Variants in RHCE observed in about 807,000 individuals in gnomAD.
RHCE encodes blood group Rh(CE) polypeptide.
In RHCE, 22 loss-of-function variants were observed where a neutral mutation model predicts 43.8. The observed-to-expected ratio is 0.50, with a 90% CI of 0.36 to 0.72. The LOEUF is 0.72. Ranked by LOEUF, RHCE falls within the 30% of genes least tolerant of loss-of-function variation. The probability of loss-of-function intolerance (pLI) is 0.00; values close to 1 mark genes in which losing one functional copy is unlikely to be tolerated. For missense variants in RHCE, 385 were observed against 525.4 expected, an observed-to-expected ratio of 0.73 and a Z score of 2.61; for synonymous variants, 156 against 210.7, an observed-to-expected ratio of 0.74 and a Z score of 2.25.
chr1:25,390,040 C>A (rs892232978), intron 5 of RHCE, among the ~76,000 whole-genome samples: 2 of 152,080 alleles, frequency 1.3e-5, no homozygotes, highest in South Asian at 2.1e-4. Flanking sequence ...TCCAGCCCCC[C>A]CAGTGCCTCC....
chr1:25,362,429 T>A lies in RHCE; in HGVS notation c.*98A>T, dbSNP rs750839385. 1.9e-6 allele frequency: 3 copies of A among 1,613,652 alleles called. No individual in the cohort carries two copies. The African/African-American group carries it at 4.0e-5, about 22-fold the overall frequency. Reference sequence around the variant, plus strand: ...CTTGTTTCATTATACATAAGGAGACTTTGCTGTCATGAGCGTTTCTCACGT... The same window carrying A: ...CTTGTTTCATTATACATAAGGAGACATTGCTGTCATGAGCGTTTCTCACGT... On this transcript the variant is annotated 3_prime_UTR_variant, in exon 10 of 10. Transcript: ENST00000294413.
chr1:25,425,919 C>T lies in RHCE; in HGVS notation c.-40+3034G>A, dbSNP rs567028050. ...TTGGCTAAAGTGCAGCTAAGTCAGT[C>T]GTTCATTGATTTAACACACATGAGC... On this transcript the variant is annotated intron_variant, in intron 2 of 11. Transcript: ENST00000349320. Among the ~76,000 whole-genome samples, 168 of 152,318 alleles carry T rather than the reference C, an allele frequency of 1.1e-3. 1 individual carries two copies. The highest frequency in any genetic ancestry group is 3.5e-3 in the African/African-American group (146 of 41,578).
chr1:25,420,641 T>A lies in RHCE; in HGVS notation c.146A>T (p.Gln49Leu), dbSNP rs371516112. 1 of 1,613,772 alleles carries A rather than the reference T, an allele frequency of 6.2e-7. No homozygotes were observed. Among genetic ancestry groups the A allele is most frequent in the East Asian group, 2.2e-5 (1 of 44,884 alleles). The change falls in exon 1 of 10, where the codon CAA (glutamine) becomes CTA (leucine). Residue 49 changes from glutamine to leucine, a missense_variant and splice_region_variant. Physicochemically the swap from Gln to Leu is moderately radical, Grantham distance 113. This residue lies in a region of RHCE where 110 missense variants were observed against 192.1 expected (regional missense o/e 0.57). Coordinates refer to ENST00000294413, the MANE Select transcript of RHCE (RefSeq NM_020485.8). ...EDQKGLVASY[Q>L]VGQDLTVMAA... is the part of the protein sequence containing the mutation. ...CCACTGTTCCAATGAACTCTCACCT[T>A]GATAGGATGCCACGAGCCCCTTTTG...
chr1:25,403,664 A>G lies in RHCE; in HGVS notation c.336-918T>C, dbSNP rs572312674. 9.3e-3 allele frequency among the ~76,000 whole-genome samples: 1,416 copies of G among 151,846 alleles called. 18 individuals carry two copies. The highest frequency in any genetic ancestry group is 0.031 in the African/African-American group (1,299 of 41,382). ...GGAAGGAGAGGGTGATGCTGACTGG[A>G]CTTATCAGGGAGGACTTCCTGGAGG... is the stretch of plus-strand genomic sequence containing the variant. On this transcript the variant is annotated intron_variant, in intron 2 of 9. Coordinates refer to ENST00000294413, the MANE Select transcript of RHCE (RefSeq NM_020485.8).
At chr1:25,402,202 G>A (rs57874627) in intron 3 of RHCE, among the ~76,000 whole-genome samples, 7,610 of 117,424 alleles carry the variant, frequency 0.065, 547 homozygotes, top group African/African-American at 0.24. Flanking sequence ...CTGTCTGTCT[G>A]TCTGTCTATC....
In RHCE at chr1:25,388,941, C is replaced by T. The variant is rs375390889; in HGVS notation, c.939+35G>A. 321 of 1,614,244 alleles carry T rather than the reference C, an allele frequency of 2.0e-4. No homozygotes were observed. The African/African-American group carries it at 3.7e-3, about 19-fold the overall frequency. Reference sequence around the variant, plus strand: ...GTCCCAGCGTCCTGCTGGCCTTCAGCCAAAGCAGAGAGCATTAGTTGTCTA... The same window carrying T: ...GTCCCAGCGTCCTGCTGGCCTTCAGTCAAAGCAGAGAGCATTAGTTGTCTA... On this transcript the variant is annotated intron_variant, in intron 6 of 9. Transcript: ENST00000294413.
At chr1:25,417,936 G>A (rs1324271285) in intron 1 of RHCE, among the ~76,000 whole-genome samples, 1 of 152,100 alleles carries the variant, frequency 6.6e-6, no homozygotes, top group African/African-American at 2.4e-5. Context: ...AACTTGTCGC[G>A]CTCCTGTTTA....
chr1:25,401,849 T>C (rs1646753303), intron 3 of RHCE, among the ~76,000 whole-genome samples: 1 of 152,070 alleles, frequency 6.6e-6, no homozygotes, highest in Non-Finnish European at 1.5e-5. Context: ...TGGGTATCTA[T>C]CTATCTATCA....
At chr1:25,371,467 C>G (rs1645609514) in intron 8 of RHCE, among the ~76,000 whole-genome samples, 1 of 151,406 alleles carries the variant, frequency 6.6e-6, no homozygotes, top group East Asian at 1.9e-4. Flanking sequence ...AACTCCCAGG[C>G]ACAAGCAACC....
intron 1 of RHCE, among the ~76,000 whole-genome samples, chr1:25,412,807 T>C (rs185825897): frequency 6.6e-6 from 1 of 150,536 alleles, no homozygotes; most frequent in African/African-American, 2.4e-5. Context: ...GGCAGATCAC[T>C]TGAAGTCAGG....
At chr1:25,402,206 G>GTCTATCTA (rs56985100) in intron 3 of RHCE, among the ~76,000 whole-genome samples, 9,301 of 130,380 alleles carry the variant, frequency 0.071, 379 homozygotes, top group East Asian at 0.14. Context: ...CTGTCTGTCT[G>GTCTATCTA]TCTATCTATC....
chr1:25,420,487 T>G, intron 1 of RHCE, 152 bp downstream of exon 1: 1 of 1,479,958 alleles, frequency 6.8e-7, no homozygotes, highest in Non-Finnish European at 9.3e-7. Flanking sequence ...CATTGTTGAC[T>G]GAATTTCGGT....
intron 7 of RHCE, among the ~76,000 whole-genome samples, chr1:25,379,491 ATATATTTTTTTTTTTTTT>A (rs1381692220): frequency 2.0e-3 from 36 of 18,262 alleles, no homozygotes; most frequent in Non-Finnish European, 2.3e-3. Flanking sequence ...ATATATATAT[ATATATTTTTTTTTTTTTT>A]TTTTTTTTTT....
upstream of RHCE, among the ~76,000 whole-genome samples, chr1:25,421,458 C>G (rs2124553864): frequency 6.6e-6 from 1 of 152,240 alleles, no homozygotes; most frequent in East Asian, 1.9e-4. Context: ...GGGTTTGGCT[C>G]TAGTAAAAAC....
At chr1:25,386,845 ACACACACACACAC>A (rs1646185978) in intron 6 of RHCE, among the ~76,000 whole-genome samples, 1 of 71,594 alleles carries the variant, frequency 1.4e-5, no homozygotes, top group African/African-American at 3.7e-5. Flanking sequence ...ACAACAAAAC[ACACACACACACAC>A]ACACACACAC....
intron 7 of RHCE, among the ~76,000 whole-genome samples, chr1:25,380,084 G>C (rs1430139950): frequency 6.9e-6 from 1 of 145,352 alleles, no homozygotes; most frequent in Non-Finnish European, 1.5e-5. Flanking sequence ...CATTCTATGG[G>C]AGATTCCCTC....
At chr1:25,410,289 A>C (rs1276462340) in intron 1 of RHCE, among the ~76,000 whole-genome samples, 1 of 152,026 alleles carries the variant, frequency 6.6e-6, no homozygotes, top group Non-Finnish European at 1.5e-5. Context: ...ATAATCACCA[A>C]CTGTTTTCGC....
chr1:25,381,824 C>T (rs1192246956), intron 7 of RHCE, among the ~76,000 whole-genome samples: 1 of 150,696 alleles, frequency 6.6e-6, no homozygotes, highest in Non-Finnish European at 1.5e-5. Flanking sequence ...CAACCTATTC[C>T]CATCACCCAG....
At chr1:25,378,035 T>G (rs188377039) in intron 7 of RHCE, among the ~76,000 whole-genome samples, 156 of 152,296 alleles carry the variant, frequency 1.0e-3, no homozygotes, top group African/African-American at 3.4e-3. Context: ...TGAATAGACA[T>G]TTCACAAGAA....
Sources: gnomAD v4.1 joint callset for allele counts (sites outside exome capture counted in the v4.1 genomes callset) on GRCh38, gnomAD v4.1.1 for gene constraint, gnomAD v4.1.1 regional missense constraint, MANE v1.5 for transcripts, NCBI Gene and HGNC (gene_info 2026-07-23, HGNC 2026-07-21) for gene names.